Variants in CSMD3 observed in about 807,000 individuals in gnomAD.
CSMD3 encodes CUB and Sushi multiple domains 3.
Under a neutral mutation model 435.2 loss-of-function variants are expected in CSMD3, and 177 were observed. The observed-to-expected ratio is 0.41, with a 90% confidence interval of 0.36 to 0.46. CSMD3 has a LOEUF of 0.46. CSMD3 is among the 20% of genes least tolerant of loss of function. The pLI is 0.34. For synonymous variants in CSMD3, 1,656 were observed against 1,520.5 expected (o/e 1.09, Z -2.07); for missense variants, 4,265 against 4,504.6 (o/e 0.95, Z 1.52).
chr8:113,158,278 C>T (rs1001785918), intron 4 of CSMD3, among the ~76,000 whole-genome samples: 1 of 151,754 alleles, frequency 6.6e-6, no homozygotes, highest in Admixed American at 6.6e-5. Context: ...ACTAACGCTA[C>T]CATGAGTGTA....
intron 27 of CSMD3, among the ~76,000 whole-genome samples, chr8:112,546,306 T>A (rs1280021706): frequency 2.0e-5 from 3 of 152,118 alleles, no homozygotes; most frequent in Non-Finnish European, 4.4e-5. Flanking sequence ...TTCGGAAAGA[T>A]CAGTCAGGTA....
chr8:112,739,833 A>C (rs1587134385), intron 13 of CSMD3, among the ~76,000 whole-genome samples: 1 of 152,000 alleles, frequency 6.6e-6, no homozygotes, highest in South Asian at 2.1e-4. Flanking sequence ...ATTAAATGTT[A>C]ATAATCCAAT....
intron 8 of CSMD3, among the ~76,000 whole-genome samples, chr8:112,952,866 T>C (rs1248786551): frequency 6.6e-6 from 1 of 151,540 alleles, no homozygotes; most frequent in Non-Finnish European, 1.5e-5. Flanking sequence ...GATATTTTTA[T>C]TAGAATTTTT....
chr8:112,467,271 T>C (rs185051245), intron 32 of CSMD3, among the ~76,000 whole-genome samples: 1 of 152,286 alleles, frequency 6.6e-6, no homozygotes, highest in East Asian at 1.9e-4. Context: ...ATTTTGAACA[T>C]ACCAAGTGTG....
Position 112,636,829 on chromosome 8 carries a change from G to A in CSMD3, c.3703C>T (p.Pro1235Ser), listed in dbSNP as rs2074673346. 1 of 1,612,792 alleles carries A rather than the reference G, an allele frequency of 6.2e-7. No individual in the cohort carries two copies. Among genetic ancestry groups the A allele is most frequent in the Non-Finnish European group, 8.5e-7 (1 of 1,179,430 alleles). Residue 1235 changes from proline (P) to serine (S), a missense_variant, in exon 22 of 71, where the codon CCA (proline) becomes TCA (serine). By Grantham distance (74) the Pro-to-Ser change is moderately conservative. This residue lies in a region of CSMD3 where 3,255 missense variants were observed against 3,380.2 expected (regional missense o/e 0.96). Transcript: ENST00000297405. ...GGRRVWSAPLPRCVAECGASA... is the reference protein window; with the variant it reads ...GGRRVWSAPLSRCVAECGASA... Reference sequence around the variant, plus strand: ...GCTGACCACGTACCCACACACCTTGGCAGAGGTGCACTCCACACTCGTCGG... The same window carrying A: ...GCTGACCACGTACCCACACACCTTGACAGAGGTGCACTCCACACTCGTCGG...
At chr8:112,759,282 G>A (rs2077776382) in intron 13 of CSMD3, among the ~76,000 whole-genome samples, 1 of 152,036 alleles carries the variant, frequency 6.6e-6, no homozygotes. Flanking sequence ...TCATGCCTTT[G>A]ATGACCCATC....
At chr8:113,093,760 T>C (rs2090078454) in intron 5 of CSMD3, among the ~76,000 whole-genome samples, 1 of 152,146 alleles carries the variant, frequency 6.6e-6, no homozygotes, top group Non-Finnish European at 1.5e-5. Flanking sequence ...AGTATTATTT[T>C]AACCAACTAA....
chr8:112,409,124 G>T (rs1026078979), intron 32 of CSMD3, 92 bp from the exon 33 acceptor site: 23 of 1,268,030 alleles, frequency 1.8e-5, no homozygotes, highest in Non-Finnish European at 1.9e-5. Context: ...AGGAGAGAGA[G>T]AACAAAGTAT....
intron 1 of CSMD3, among the ~76,000 whole-genome samples, chr8:113,384,860 ATT>A (rs1290047091): frequency 6.6e-6 from 1 of 152,164 alleles, no homozygotes; most frequent in East Asian, 1.9e-4. Context: ...CAAAGAATAA[ATT>A]GAGTTTGCAG....
intron 13 of CSMD3, among the ~76,000 whole-genome samples, chr8:112,760,655 A>G (rs2077815356): frequency 6.6e-6 from 1 of 152,226 alleles, no homozygotes; most frequent in Non-Finnish European, 1.5e-5. Context: ...TATTCTTATC[A>G]TCACATTTCC....
chr8:112,619,837 G>C (rs1461874348), intron 22 of CSMD3, among the ~76,000 whole-genome samples: 1 of 151,854 alleles, frequency 6.6e-6, no homozygotes, highest in Admixed American at 6.6e-5. Flanking sequence ...TCGATCATGT[G>C]ATCAAACAGT....
At chr8:112,943,268 T>C (rs574281504) in intron 9 of CSMD3, among the ~76,000 whole-genome samples, 20 of 151,890 alleles carry the variant, frequency 1.3e-4, no homozygotes, top group South Asian at 1.2e-3. Flanking sequence ...TTTTTTCCAA[T>C]CTGTGGAATG....
chr8:112,366,631 C>A (rs1827803843), intron 38 of CSMD3, among the ~76,000 whole-genome samples: 3 of 152,168 alleles, frequency 2.0e-5, no homozygotes, highest in Non-Finnish European at 4.4e-5. Context: ...CTCCTGACCT[C>A]AGGTGATTTG....
At chr8:112,527,241 A>G (rs968129670) in intron 27 of CSMD3, among the ~76,000 whole-genome samples, 1 of 151,896 alleles carries the variant, frequency 6.6e-6, no homozygotes, top group African/African-American at 2.4e-5. Flanking sequence ...AGACACTGAT[A>G]ACTTAAAAGT....
chr8:113,234,608 T>C (rs1322763740), intron 3 of CSMD3, among the ~76,000 whole-genome samples: 1 of 152,132 alleles, frequency 6.6e-6, no homozygotes, highest in Non-Finnish European at 1.5e-5. Flanking sequence ...ATAACAACCT[T>C]GGCCAATAAT....
chr8:113,370,611 G>A (rs1223350901), intron 1 of CSMD3, among the ~76,000 whole-genome samples: 1 of 151,680 alleles, frequency 6.6e-6, no homozygotes. Context: ...CTAGGTTATT[G>A]GTTCATTATA....
At chr8:112,999,472 T>C (rs1440732148) in intron 6 of CSMD3, among the ~76,000 whole-genome samples, 1 of 151,792 alleles carries the variant, frequency 6.6e-6, no homozygotes, top group Non-Finnish European at 1.5e-5. Flanking sequence ...GAGACGTAAG[T>C]TAGTAAACCA....
chr8:112,388,911 T>C (rs931556495), intron 36 of CSMD3, among the ~76,000 whole-genome samples: 6 of 152,114 alleles, frequency 3.9e-5, no homozygotes, highest in Admixed American at 2.6e-4. Flanking sequence ...ATGGATTGAA[T>C]TGCAAGAGGA....
chr8:112,587,248 C>G lies in CSMD3; in HGVS notation c.3716-13G>C, dbSNP rs111557237. ...GCACCACATTCAGCTGCAGGTAAAA[C>G]AGAATATTGAAGTACAGTTTAATAG... On this transcript the variant is annotated splice_polypyrimidine_tract_variant and intron_variant, in intron 22 of 70. Transcript: ENST00000297405. The G allele has an allele frequency of 6.3e-7, 1 of 1,598,404 alleles. No individual in the cohort carries two copies. Among genetic ancestry groups the G allele is most frequent in the South Asian group, 1.1e-5 (1 of 90,772 alleles).
Sources: allele counts gnomAD v4.1 joint callset (sites outside exome capture counted in the v4.1 genomes callset), GRCh38; gene constraint gnomAD v4.1.1; regional missense constraint gnomAD v4.1.1; transcripts MANE v1.5; gene names NCBI Gene and HGNC (gene_info 2026-07-23, HGNC 2026-07-21).